Variants in DAB1 observed in about 807,000 individuals in gnomAD.
DAB1 encodes DAB adaptor protein 1.
DAB1 carries 15 observed loss-of-function variants against 64.6 expected under a neutral mutation model. The observed-to-expected ratio is 0.23, with a 90% confidence interval of 0.16 to 0.36. The LOEUF is 0.36. Ranked by LOEUF, DAB1 falls within the 10% of genes least tolerant of loss-of-function variation. The pLI is 1.00. For missense variants in DAB1, 596 were observed against 706.7 expected, an observed-to-expected ratio of 0.84 and a Z score of 1.78; for synonymous variants, 235 against 251.9, an observed-to-expected ratio of 0.93 and a Z score of 0.64.
intron 7 of DAB1, among the ~76,000 whole-genome samples, chr1:57,561,909 C>T (rs549531115): frequency 2.6e-5 from 4 of 152,308 alleles, no homozygotes; most frequent in African/African-American, 2.4e-5. Flanking sequence ...ATACAAAGGA[C>T]AGAGGTTTGT....
chr1:57,209,510 A>G (rs1256524121), intron 2 of DAB1, among the ~76,000 whole-genome samples: 1 of 152,188 alleles, frequency 6.6e-6, no homozygotes, highest in Non-Finnish European at 1.5e-5. Flanking sequence ...CCTAATCACA[A>G]GAAAAGATGG....
At chr1:58,033,456 C>T (rs1646999453) in intron 5 of DAB1, among the ~76,000 whole-genome samples, 1 of 152,174 alleles carries the variant, frequency 6.6e-6, no homozygotes, top group Non-Finnish European at 1.5e-5. Flanking sequence ...TATCACTTAC[C>T]CTGTTTTGAA....
chr1:58,142,129 T>C (rs942232109), intron 5 of DAB1, among the ~76,000 whole-genome samples: 4 of 152,060 alleles, frequency 2.6e-5, no homozygotes, highest in Non-Finnish European at 5.9e-5. Flanking sequence ...ATAAGAGGCA[T>C]GGACACTCCT....
At chr1:58,286,965 A>G (rs1248497468) in intron 4 of DAB1, among the ~76,000 whole-genome samples, 1 of 152,240 alleles carries the variant, frequency 6.6e-6, no homozygotes. Flanking sequence ...TGGTACATAT[A>G]CACCGTGGAA....
At chr1:57,678,853 G>C (rs755237004) in intron 6 of DAB1, among the ~76,000 whole-genome samples, 1 of 145,824 alleles carries the variant, frequency 6.9e-6, no homozygotes, top group Non-Finnish European at 1.5e-5. Context: ...TGCAAACTTC[G>C]CCTCCCGGGT....
chr1:58,353,215 A>G (rs1489832627), intron 3 of DAB1, among the ~76,000 whole-genome samples: 1 of 152,130 alleles, frequency 6.6e-6, no homozygotes, highest in Non-Finnish European at 1.5e-5. Flanking sequence ...GGACCAGTAA[A>G]TTATTTTCCC....
intron 6 of DAB1, among the ~76,000 whole-genome samples, chr1:57,682,744 G>T (rs1197858279): frequency 6.6e-6 from 1 of 152,090 alleles, no homozygotes; most frequent in Admixed American, 6.5e-5. Context: ...GCTTTTGTGT[G>T]GGGGGAAGCT....
In DAB1 at chr1:58,118,160, C is replaced by A. The variant is rs547044494; in HGVS notation, n.387+32351G>T. On this transcript the variant is annotated intron_variant and non_coding_transcript_variant, in intron 5 of 20. Coordinates refer to the DAB1 transcript ENST00000485760. Reference sequence around the variant, plus strand: ...TCCTGGGCTCAAGCAATCCTCTTGGCTTGGCCTTCCAAAGTGCTAGAATTA... The same window carrying A: ...TCCTGGGCTCAAGCAATCCTCTTGGATTGGCCTTCCAAAGTGCTAGAATTA... Among the ~76,000 whole-genome samples the A allele has an allele frequency of 2.0e-5, 3 of 151,648 alleles. No homozygotes were observed. The South Asian group carries it at 6.3e-4, about 32-fold the overall frequency.
chr1:57,678,619 AG>A (rs1403388239), intron 6 of DAB1, among the ~76,000 whole-genome samples: 8 of 152,144 alleles, frequency 5.3e-5, no homozygotes, highest in African/African-American at 1.9e-4. Context: ...GGAAGGCTGG[AG>A]GGTATTGTTG....
At chr1:57,459,742 T>A (rs1486592627) in intron 7 of DAB1, among the ~76,000 whole-genome samples, 1 of 152,202 alleles carries the variant, frequency 6.6e-6, no homozygotes, top group African/African-American at 2.4e-5. Context: ...TAGATCCCCT[T>A]GACTACTGAG....
At chr1:57,380,164 A>G (rs932766170) in intron 1 of DAB1, among the ~76,000 whole-genome samples, 77 of 152,314 alleles carry the variant, frequency 5.1e-4, no homozygotes, top group African/African-American at 1.8e-3. Context: ...CCTCTGAAGT[A>G]GGTCATATTA....
chr1:57,938,082 C>T (rs1645053178), intron 5 of DAB1, among the ~76,000 whole-genome samples: 1 of 152,180 alleles, frequency 6.6e-6, no homozygotes, highest in African/African-American at 2.4e-5. Flanking sequence ...TAATCAGGTC[C>T]TACTTTCATG....
Position 57,128,254 on chromosome 1 carries a change from T to TCACTCATCCCAAAAATCAGC in DAB1, c.306+8269_306+8288dup, listed in dbSNP as rs1369255382. Among the ~76,000 whole-genome samples, 8 of 152,088 alleles carry TCACTCATCCCAAAAATCAGC rather than the reference T, an allele frequency of 5.3e-5. 1 individual carries two copies. In the South Asian group the frequency reaches 1.5e-3, roughly 28 times the overall value. ...GTTCATATAAAACACTCTACACTCA[T>TCACTCATCCCAAAAATCAGC]CACTCATCCCAAAAATCAGCCACAA... is the stretch of plus-strand genomic sequence containing the variant. On this transcript the variant is annotated intron_variant, in intron 4 of 14. Transcript: ENST00000371236.
intron 2 of DAB1, among the ~76,000 whole-genome samples, chr1:57,183,953 T>G (rs155312): frequency 0.41 from 61,977 of 151,992 alleles, 14,080 homozygotes; most frequent in Middle Eastern, 0.5. Flanking sequence ...AGGATATCAG[T>G]AGACAAGATT....
chr1:58,524,906 G>A (rs776465956), intron 2 of DAB1, among the ~76,000 whole-genome samples: 2 of 152,214 alleles, frequency 1.3e-5, no homozygotes, highest in Non-Finnish European at 2.9e-5. Flanking sequence ...CTCACATGGA[G>A]ATGATTAGTG....
At chr1:57,219,052 G>T (rs758882536) in intron 2 of DAB1, among the ~76,000 whole-genome samples, 4 of 152,094 alleles carry the variant, frequency 2.6e-5, no homozygotes, top group Admixed American at 6.5e-5. Flanking sequence ...TTTTTCTATC[G>T]CATGGATAGA....
At chr1:57,761,835 C>G (rs147154700) in intron 6 of DAB1, among the ~76,000 whole-genome samples, 1 of 152,182 alleles carries the variant, frequency 6.6e-6, no homozygotes, top group Non-Finnish European at 1.5e-5. Flanking sequence ...AAACACAAAA[C>G]AGATGGCTGA....
At chr1:57,860,425 G>C (rs917564875) in intron 1 of DAB1, 1 of 152,130 alleles carries the variant, frequency 6.6e-6, no homozygotes, top group African/African-American at 2.4e-5. Flanking sequence ...TTCTCTTAAG[G>C]CTCCCTCATG....
At chr1:57,872,585 A>G (rs1200548092) in intron 1 of DAB1, among the ~76,000 whole-genome samples, 1 of 152,176 alleles carries the variant, frequency 6.6e-6, no homozygotes, top group African/African-American at 2.4e-5. Context: ...TGAATGCAGC[A>G]AGAAATAGGG....
Sources: gnomAD v4.1 joint callset for allele counts (sites outside exome capture counted in the v4.1 genomes callset) on GRCh38, gnomAD v4.1.1 for gene constraint, MANE v1.5 for transcripts, NCBI Gene and HGNC (gene_info 2026-07-23, HGNC 2026-07-21) for gene names.